ARB2A: variants seen among roughly 807,000 people sequenced by gnomAD.
ARB2A encodes the protein ARB2 cotranscriptional regulator A, also known as cotranscriptional regulator ARB2A.
At chr5:93,721,965 C>A in the ARB2A span, among the ~76,000 whole-genome samples, 1 of 152,072 alleles carries the variant, frequency 6.6e-6, no homozygotes, top group East Asian at 1.9e-4. Context: ...CAGAAACTAC[C>A]AGCACTACTA....
the ARB2A span, among the ~76,000 whole-genome samples, chr5:93,815,180 G>T: frequency 6.6e-6 from 1 of 152,148 alleles, no homozygotes; most frequent in South Asian, 2.1e-4. Context: ...AACTTTTGTG[G>T]TTCTGGTGGC....
At chr5:93,976,148 GTTA>G in the ARB2A span, among the ~76,000 whole-genome samples, 1 of 151,912 alleles carries the variant, frequency 6.6e-6, no homozygotes, top group East Asian at 1.9e-4. Flanking sequence ...ACGATTTTTT[GTTA>G]TTTATTGTTA....
chr5:94,053,114 T>TAGAA, the ARB2A span: 21 of 1,456,660 alleles, frequency 1.4e-5, no homozygotes, highest in African/African-American at 2.8e-4. Flanking sequence ...GATAGATAGA[T>TAGAA]AACCCACTTA....
chr5:93,746,196 A>G, the ARB2A span, among the ~76,000 whole-genome samples: 21 of 152,242 alleles, frequency 1.4e-4, no homozygotes, highest in Non-Finnish European at 2.4e-4. Flanking sequence ...GGCAATTAAG[A>G]AAAACTAATA....
At chr5:93,799,160 T>C in the ARB2A span, among the ~76,000 whole-genome samples, 1 of 152,106 alleles carries the variant, frequency 6.6e-6, no homozygotes, top group Non-Finnish European at 1.5e-5. Context: ...TAGAGAACAC[T>C]TATGGTCCTG....
the ARB2A span, among the ~76,000 whole-genome samples, chr5:93,752,707 T>C: frequency 1.3e-5 from 2 of 152,178 alleles, no homozygotes; most frequent in Non-Finnish European, 2.9e-5. Flanking sequence ...ACTAGTGATC[T>C]ATATAAATGA....
chr5:93,807,831 C>T, the ARB2A span, among the ~76,000 whole-genome samples: 1 of 151,878 alleles, frequency 6.6e-6, no homozygotes, highest in African/African-American at 2.4e-5. Flanking sequence ...GAAAAAAAAG[C>T]AATACTTATC....
chr5:93,818,949 A>G, the ARB2A span, among the ~76,000 whole-genome samples: 1 of 152,032 alleles, frequency 6.6e-6, no homozygotes, highest in African/African-American at 2.4e-5. Context: ...GCACTTTGGG[A>G]GGCCGAGACG....
the ARB2A span, among the ~76,000 whole-genome samples, chr5:93,686,344 G>T: frequency 1.3e-5 from 2 of 152,118 alleles, no homozygotes; most frequent in Non-Finnish European, 2.9e-5. Flanking sequence ...GGGTCTGACT[G>T]CTAGATTCCT....
the ARB2A span, among the ~76,000 whole-genome samples, chr5:93,662,893 G>A: frequency 6.6e-6 from 1 of 152,198 alleles, no homozygotes; most frequent in Non-Finnish European, 1.5e-5. Flanking sequence ...CTGAAAGCTG[G>A]GAAGTCCAAA....
At chr5:93,937,909 G>A in the ARB2A span, among the ~76,000 whole-genome samples, 1 of 152,076 alleles carries the variant, frequency 6.6e-6, no homozygotes, top group African/African-American at 2.4e-5. Context: ...AAGGAAAAAA[G>A]TCTGTATATA....
chr5:93,850,004 C>T, the ARB2A span, among the ~76,000 whole-genome samples: 3 of 152,110 alleles, frequency 2.0e-5, no homozygotes, highest in South Asian at 2.1e-4. Context: ...CCTGAGCAGT[C>T]GTTACAATTA....
the ARB2A span, among the ~76,000 whole-genome samples, chr5:94,005,841 C>T: frequency 6.6e-6 from 1 of 152,108 alleles, no homozygotes; most frequent in Non-Finnish European, 1.5e-5. Flanking sequence ...AATATCACTA[C>T]ACATTCGTCA....
At chr5:94,004,889 A>T in the ARB2A span, among the ~76,000 whole-genome samples, 2 of 151,380 alleles carry the variant, frequency 1.3e-5, no homozygotes, top group Admixed American at 6.6e-5. Context: ...TTATCTAATA[A>T]ACATATTTTC....
the ARB2A span, among the ~76,000 whole-genome samples, chr5:94,096,298 T>C: frequency 2.0e-5 from 3 of 152,224 alleles, no homozygotes; most frequent in Admixed American, 2.0e-4. Context: ...TACAAGCACA[T>C]AAAACTAAGC....
the ARB2A span, among the ~76,000 whole-genome samples, chr5:93,713,234 C>T: frequency 1.3e-5 from 2 of 152,012 alleles, no homozygotes; most frequent in East Asian, 1.9e-4. Flanking sequence ...AAAGACATTG[C>T]ACAGATAAGG....
chr5:93,804,609 C>T, the ARB2A span, among the ~76,000 whole-genome samples: 2 of 151,700 alleles, frequency 1.3e-5, no homozygotes, highest in African/African-American at 4.8e-5. Context: ...TTAAGAACTG[C>T]TCATATTTAC....
the ARB2A span, among the ~76,000 whole-genome samples, chr5:94,108,798 G>A: frequency 6.6e-6 from 1 of 152,152 alleles, no homozygotes; most frequent in African/African-American, 2.4e-5. Flanking sequence ...CCTTTGCATT[G>A]CTGGTGGGAA....
At chr5:93,882,507 T>G in the ARB2A span, among the ~76,000 whole-genome samples, 27 of 151,136 alleles carry the variant, frequency 1.8e-4, no homozygotes, top group Non-Finnish European at 3.3e-4. Context: ...TTGTAAAACA[T>G]GTTTTCCTGT....
Sources: gnomAD v4.1 joint callset for allele counts (sites outside exome capture counted in the v4.1 genomes callset) on GRCh38, gnomAD v4.1.1 for gene constraint, MANE v1.5 for transcripts, NCBI Gene and HGNC (gene_info 2026-07-23, HGNC 2026-07-21) for gene names.